Variants in ZNF385C observed in about 807,000 individuals in gnomAD.
ZNF385C encodes zinc finger protein 385C.
Under a neutral mutation model 35.4 loss-of-function variants are expected in ZNF385C, and 28 were observed. The ratio of observed to expected loss-of-function variants is 0.79; its 90% CI spans 0.59 to 1.08. The LOEUF (loss-of-function observed/expected upper bound fraction) is 1.08. Ranked by LOEUF, ZNF385C falls within the 50% of genes least tolerant of loss-of-function variation. ZNF385C has a pLI of 0.00. For synonymous variants in ZNF385C, 248 were observed against 248.2 expected (o/e 1.00, Z 0.01); for missense variants, 605 against 595.6 (o/e 1.02, Z -0.16).
chr17:42,075,003 G>A (rs571720214), intron 1 of ZNF385C, among the ~76,000 whole-genome samples: 3 of 152,288 alleles, frequency 2.0e-5, no homozygotes, highest in African/African-American at 7.2e-5. Flanking sequence ...TTAAAATGGG[G>A]GGTTGGAACC....
chr17:42,047,593 C>T (rs543654790), intron 2 of ZNF385C, among the ~76,000 whole-genome samples: 2 of 151,864 alleles, frequency 1.3e-5, no homozygotes, highest in East Asian at 1.9e-4. Flanking sequence ...GTTCCAGGGC[C>T]GGCTGGTTTG....
chr17:42,027,550 TC>T, intron 8 of ZNF385C, 67 bp downstream of exon 8: 2 of 460,740 alleles, frequency 4.3e-6, no homozygotes, highest in Non-Finnish European at 8.0e-6. Flanking sequence ...AGCCCCCCCA[TC>T]TGGCCCTCCC....
At chr17:42,090,548 G>T (rs2053855819) in intron 1 of ZNF385C, among the ~76,000 whole-genome samples, 1 of 151,608 alleles carries the variant, frequency 6.6e-6, no homozygotes, top group Non-Finnish European at 1.5e-5. Flanking sequence ...GTCTCCCAAA[G>T]TGCTGGGATT....
At chr17:42,037,590 T>G in intron 3 of ZNF385C, 147 bp downstream of exon 3, 62 of 936,856 alleles carry the variant, frequency 6.6e-5, no homozygotes, top group Non-Finnish European at 8.5e-5. Flanking sequence ...GGGGTCCCTA[T>G]TTGGGGAGCA....
chr17:42,080,797 C>G (rs1032422703), intron 1 of ZNF385C, among the ~76,000 whole-genome samples: 2 of 152,198 alleles, frequency 1.3e-5, no homozygotes, highest in Non-Finnish European at 2.9e-5. Context: ...TCCTGTGCCC[C>G]CCAGGCCCAC....
chr17:42,044,394 G>A (rs2053104849), intron 2 of ZNF385C, among the ~76,000 whole-genome samples: 1 of 150,502 alleles, frequency 6.6e-6, no homozygotes, highest in South Asian at 2.1e-4. Flanking sequence ...AGGCAGGCAG[G>A]TCACCTGAGG....
rs573361775 is a variant in ZNF385C, at chr17:42,027,087, C to G, written c.1322G>C (p.Arg441Pro). Reference sequence around the variant, plus strand: ...GGTGGGGAGCGGGCTGGGCAGGAAGCGGGCTGCCAACGTCTTGGTGAGTTG... The same window carrying G: ...GGTGGGGAGCGGGCTGGGCAGGAAGGGGGCTGCCAACGTCTTGGTGAGTTG... ...QKQLTKTLAA[R>P]FLPSPLPTAA... Residue 441 changes from arginine to proline, a missense_variant, in exon 9 of 9, where the codon CGC becomes CCC. Transcript: ENST00000692273. 7.4e-6 allele frequency: 12 copies of G among 1,611,970 alleles called. No homozygotes were observed. In the South Asian group the frequency reaches 1.1e-4, roughly 15 times the overall value.
At chr17:42,048,823 C>T (rs2053224638) in intron 2 of ZNF385C, among the ~76,000 whole-genome samples, 1 of 151,904 alleles carries the variant, frequency 6.6e-6, no homozygotes, top group Non-Finnish European at 1.5e-5. Context: ...TGACTGCACA[C>T]TGGGTTTCCA....
chr17:42,040,306 A>C (rs2052985239), intron 2 of ZNF385C: 1 of 1,231,606 alleles, frequency 8.1e-7, no homozygotes. Flanking sequence ...GTAACCGAGC[A>C]GCTCCACGCC....
intron 2 of ZNF385C, among the ~76,000 whole-genome samples, chr17:42,041,550 G>A (rs559195517): frequency 6.6e-5 from 10 of 152,230 alleles, no homozygotes; most frequent in South Asian, 2.1e-4. Flanking sequence ...TGTGGTAAAA[G>A]CACTTTATGA....
intron 7 of ZNF385C, 88 bp downstream of exon 7, chr17:42,027,962 T>G: frequency 6.6e-7 from 1 of 1,504,756 alleles, no homozygotes; most frequent in Non-Finnish European, 9.1e-7. Context: ...GTGCCCTGCC[T>G]GCTCTCTTCA....
chr17:42,061,207 ATTTTTTTTTTTTTTTT>A (rs10617911), intron 2 of ZNF385C: 3 of 57,454 alleles, frequency 5.2e-5, no homozygotes, highest in Non-Finnish European at 9.0e-5. Flanking sequence ...TAATGAGTTA[ATTTTTTTTTTTTTTTT>A]TTTTTTTTTT....
chr17:42,045,749 C>T (rs1283588143), intron 2 of ZNF385C, among the ~76,000 whole-genome samples: 2 of 152,182 alleles, frequency 1.3e-5, no homozygotes, highest in African/African-American at 4.8e-5. Context: ...CCAGACTCAT[C>T]CCTCACCCAA....
At chr17:42,039,738 C>G in intron 2 of ZNF385C, 1 of 1,232,520 alleles carries the variant, frequency 8.1e-7, no homozygotes, top group Non-Finnish European at 1.0e-6. Flanking sequence ...AGCCCTCTCC[C>G]CACCCACTCT....
At chr17:42,029,816 T>G (rs1340039878) in intron 5 of ZNF385C, among the ~76,000 whole-genome samples, 1 of 150,958 alleles carries the variant, frequency 6.6e-6, no homozygotes, top group Non-Finnish European at 1.5e-5. Context: ...AGCAGATCAC[T>G]TGAGTCCAGG....
At chr17:42,045,614 G>A (rs2053142833) in intron 2 of ZNF385C, among the ~76,000 whole-genome samples, 1 of 152,158 alleles carries the variant, frequency 6.6e-6, no homozygotes, top group Non-Finnish European at 1.5e-5. Context: ...GACCCCAAAG[G>A]CTGTACTGAG....
chr17:42,075,193 T>C (rs1446557356), intron 1 of ZNF385C, among the ~76,000 whole-genome samples: 1 of 152,112 alleles, frequency 6.6e-6, no homozygotes, highest in African/African-American at 2.4e-5. Context: ...GGTCACCTCC[T>C]CCAGGAAGCC....
chr17:42,051,612 CAG>C (rs2053282559), intron 2 of ZNF385C, among the ~76,000 whole-genome samples: 1 of 152,110 alleles, frequency 6.6e-6, no homozygotes, highest in African/African-American at 2.4e-5. Context: ...GGAGGCCATT[CAG>C]AGAGGGGGCT....
At chr17:42,027,865 A>G (rs1288030536) in intron 7 of ZNF385C, 137 bp from the exon 8 acceptor site, 65 of 1,205,818 alleles carry the variant, frequency 5.4e-5, no homozygotes, top group Admixed American at 2.4e-4. Flanking sequence ...ACCCTGGGGT[A>G]GGCCCTGGGA....
Sources: allele counts gnomAD v4.1 joint callset (sites outside exome capture counted in the v4.1 genomes callset), GRCh38; gene constraint gnomAD v4.1.1; transcripts MANE v1.5; gene names NCBI Gene and HGNC (gene_info 2026-07-23, HGNC 2026-07-21).